Variants in PDE11A observed in about 807,000 individuals in gnomAD.
PDE11A encodes the protein phosphodiesterase 11A, also known as dual 3',5'-cyclic-AMP and -GMP phosphodiesterase 11A.
In PDE11A, 100 loss-of-function variants were observed where a neutral mutation model predicts 100.5. That is an observed-to-expected ratio of 1.00 (90% CI 0.85 to 1.18). The LOEUF (loss-of-function observed/expected upper bound fraction) is 1.18, where lower values mean the gene tolerates loss of function less well. PDE11A is among the 50% of genes most tolerant of loss of function. PDE11A has a pLI of 0.00. For missense variants in PDE11A, 1,141 were observed against 1,152.6 expected (o/e 0.99, Z 0.15); for synonymous variants, 381 against 420.8 (o/e 0.91, Z 1.16).
chr2:177,974,380 T>A (rs1453856064), intron 2 of PDE11A, among the ~76,000 whole-genome samples: 1 of 59,004 alleles, frequency 1.7e-5, no homozygotes, highest in South Asian at 7.1e-4. Flanking sequence ...GAAGGGAAGT[T>A]TAGAGAAAAA....
intron 1 of PDE11A, among the ~76,000 whole-genome samples, chr2:178,038,636 G>C (rs1034749361): frequency 6.6e-6 from 1 of 152,068 alleles, no homozygotes; most frequent in African/African-American, 2.4e-5. Flanking sequence ...GAGGGTTGAG[G>C]GGGAGTCATT....
intron 14 of PDE11A, 92 bp downstream of exon 14, chr2:177,701,029 G>A: frequency 3.8e-6 from 3 of 788,588 alleles, no homozygotes. Flanking sequence ...ACTGCTTTGT[G>A]TCTACCTGTG....
chr2:177,827,651 G>A (rs2105598367), intron 6 of PDE11A, among the ~76,000 whole-genome samples: 1 of 152,260 alleles, frequency 6.6e-6, no homozygotes, highest in African/African-American at 2.4e-5. Flanking sequence ...TTATTTTAAT[G>A]CATTCTTTGA....
intron 2 of PDE11A, among the ~76,000 whole-genome samples, chr2:178,013,604 A>G (rs1163186897): frequency 6.6e-6 from 1 of 152,222 alleles, no homozygotes; most frequent in Admixed American, 6.5e-5. Context: ...AAACAAACTA[A>G]TTTGAGATTT....
At chr2:177,871,521 A>C (rs1298994033) in intron 5 of PDE11A, among the ~76,000 whole-genome samples, 2 of 143,974 alleles carry the variant, frequency 1.4e-5, no homozygotes, top group African/African-American at 5.1e-5. Context: ...ATGAGTCAGT[A>C]GTAAATTATT....
intron 15 of PDE11A, among the ~76,000 whole-genome samples, chr2:177,689,301 C>G (rs1490906600): frequency 6.6e-6 from 1 of 152,120 alleles, no homozygotes; most frequent in East Asian, 1.9e-4. Context: ...AGGCTAGTCT[C>G]GAACTCCTGA....
chr2:177,739,917 G>A (rs2081848409), intron 10 of PDE11A, among the ~76,000 whole-genome samples: 1 of 152,196 alleles, frequency 6.6e-6, no homozygotes, highest in South Asian at 2.1e-4. Flanking sequence ...GAGGCAAAGA[G>A]GGGTGTGTGT....
intron 19 of PDE11A, among the ~76,000 whole-genome samples, chr2:177,658,481 C>A (rs930951469): frequency 6.6e-6 from 1 of 151,540 alleles, no homozygotes; most frequent in Non-Finnish European, 1.5e-5. Context: ...CTCCTCCCTT[C>A]CCCTCTCCTC....
intron 3 of PDE11A, among the ~76,000 whole-genome samples, chr2:177,901,734 G>A (rs2084701265): frequency 6.6e-6 from 1 of 152,120 alleles, no homozygotes; most frequent in Non-Finnish European, 1.5e-5. Context: ...GTAATTACAA[G>A]CAAAAAGCCC....
At chr2:177,856,173 C>G (rs1462645936) in intron 5 of PDE11A, among the ~76,000 whole-genome samples, 1 of 152,072 alleles carries the variant, frequency 6.6e-6, no homozygotes, top group Non-Finnish European at 1.5e-5. Flanking sequence ...GCTAACTGAG[C>G]AGTACCTTCA....
At chr2:177,845,207 G>A (rs1171782904) in intron 5 of PDE11A, among the ~76,000 whole-genome samples, 3 of 151,292 alleles carry the variant, frequency 2.0e-5, no homozygotes, top group East Asian at 3.9e-4. Flanking sequence ...GGTGGCTGCC[G>A]GGCGGAGACG....
chr2:177,962,092 T>C (rs2105790363), intron 2 of PDE11A, among the ~76,000 whole-genome samples: 1 of 149,436 alleles, frequency 6.7e-6, no homozygotes, highest in South Asian at 2.2e-4. Context: ...AGTTTGTCTA[T>C]GCCTACTACC....
intron 1 of PDE11A, among the ~76,000 whole-genome samples, chr2:178,029,816 T>C (rs954723995): frequency 9.2e-5 from 14 of 152,146 alleles, no homozygotes; most frequent in African/African-American, 2.7e-4. Flanking sequence ...TTAAGAAGTG[T>C]TTAGGTCATG....
At chr2:178,087,667 G>T (rs981478710) in intron 2 of PDE11A, among the ~76,000 whole-genome samples, 5 of 152,086 alleles carry the variant, frequency 3.3e-5, no homozygotes, top group African/African-American at 1.2e-4. Context: ...CTAAAGCTCT[G>T]ACTTCACCAC....
chr2:177,835,412 C>A (rs1054263823), intron 6 of PDE11A, among the ~76,000 whole-genome samples: 1 of 152,206 alleles, frequency 6.6e-6, no homozygotes, highest in Admixed American at 6.5e-5. Context: ...CCCCCTACTA[C>A]AGGATACTCC....
At chr2:177,933,955 C>A (rs1034329735) in intron 2 of PDE11A, among the ~76,000 whole-genome samples, 1 of 152,114 alleles carries the variant, frequency 6.6e-6, no homozygotes, top group South Asian at 2.1e-4. Flanking sequence ...TGGACCCCTA[C>A]CTTTCACCAT....
rs998100710 is a variant in PDE11A, at chr2:177,742,331, A to G, written c.1789-14159T>C. On this transcript the variant is annotated intron_variant, in intron 10 of 19. Transcript: ENST00000286063. The stretch of plus-strand genomic sequence containing the variant: ...TGACAATCCCAGTTTGTCTCACCCC[A>G]TCTAGCTCTACGGAACCCCTGGCCT... Among the ~76,000 whole-genome samples, 9 of 152,034 alleles carry G rather than the reference A, an allele frequency of 5.9e-5. No individual in the cohort carries two copies. The East Asian group carries it at 1.7e-3, about 29-fold the overall frequency.
intron 2 of PDE11A, among the ~76,000 whole-genome samples, chr2:177,964,748 A>G (rs533534254): frequency 6.6e-6 from 1 of 152,232 alleles, no homozygotes; most frequent in Non-Finnish European, 1.5e-5. Context: ...ATCGTATTCC[A>G]TGGTGTATAT....
intron 2 of PDE11A, chr2:177,922,037 T>C (rs928445631): frequency 6.6e-6 from 1 of 152,188 alleles, no homozygotes; most frequent in African/African-American, 2.4e-5. Context: ...ACTTTCCTCC[T>C]TCTCACGTTC....
Sources: allele counts gnomAD v4.1 joint callset (sites outside exome capture counted in the v4.1 genomes callset), GRCh38; gene constraint gnomAD v4.1.1; transcripts MANE v1.5; gene names NCBI Gene and HGNC (gene_info 2026-07-23, HGNC 2026-07-21).